The following WFS1 variants were observed in gnomAD, a reference collection of about 807,000 sequenced individuals.
The protein encoded by WFS1 is wolframin ER transmembrane glycoprotein.
WFS1 carries 90 observed loss-of-function variants against 68.5 expected under a neutral mutation model. That is an observed-to-expected ratio of 1.31 (90% CI 1.11 to 1.56). The LOEUF is 1.56. Ranked by LOEUF, WFS1 falls within the 40% of genes most tolerant of loss-of-function variation. The probability of loss-of-function intolerance (pLI) is 0.00; values close to 1 mark genes in which losing one functional copy is unlikely to be tolerated. For synonymous variants in WFS1, 860 were observed against 540.7 expected, an observed-to-expected ratio of 1.59 and a Z score of -8.19; for missense variants, 1,767 against 1,232.6, an observed-to-expected ratio of 1.43 and a Z score of -6.49.
At chr4:6,272,566 ACCT>A (rs1189807801) in intron 1 of WFS1, among the ~76,000 whole-genome samples, 1 of 152,162 alleles carries the variant, frequency 6.6e-6, no homozygotes, top group East Asian at 1.9e-4. Context: ...CAGGGCCAGG[ACCT>A]CCTGGGCCTG....
intron 2 of WFS1, among the ~76,000 whole-genome samples, chr4:6,282,581 A>G (rs552541399): frequency 4.6e-5 from 7 of 152,306 alleles, no homozygotes; most frequent in Non-Finnish European, 1.0e-4. Flanking sequence ...CATACATCCA[A>G]AAATTTTTAA....
chr4:6,302,073 C>T lies in WFS1; in HGVS notation c.2278C>T (p.Leu760=). The change falls in exon 8 of 8, where the codon CTG becomes TTG. Residue 760 remains leucine, a synonymous_variant. Transcript: ENST00000226760. The part of the protein sequence containing the change: ...AEEELCRLKL[L]AKHPCHIKKF... ...GGAGGAGCTCTGTCGCCTTAAGCTG[C>T]TGGCCAAGCACCCCTGCCACATCAA... is the stretch of plus-strand genomic sequence containing the variant. 6.2e-7 allele frequency: 1 copy of T among 1,612,884 alleles called. No homozygotes were observed. Among genetic ancestry groups the T allele is most frequent in the Non-Finnish European group, 8.5e-7 (1 of 1,180,014 alleles).
At position 6,302,277 on chromosome 4, in the gene WFS1, A is replaced by C; in HGVS notation, c.2482A>C (p.Ile828Leu). ...RQGSLIEFST[I>L]LEGRLGSKWP... ...GGGCAGCCTCATCGAGTTCAGCACCATCCTGGAGGGCCGCCTGGGCAGCAA... is the reference window on the plus strand; with the variant it reads ...GGGCAGCCTCATCGAGTTCAGCACCCTCCTGGAGGGCCGCCTGGGCAGCAA... Residue 828 changes from isoleucine (I) to leucine (L), a missense_variant, in exon 8 of 8, where the codon ATC becomes CTC. Physicochemically the swap from Ile to Leu is conservative, Grantham distance 5 (BLOSUM62 2). Coordinates refer to ENST00000226760, the MANE Select transcript of WFS1 (RefSeq NM_006005.3). The C allele has an allele frequency of 1.2e-6, 2 of 1,605,954 alleles. No individual in the cohort carries two copies. The highest frequency in any genetic ancestry group is 1.7e-6 in the Non-Finnish European group (2 of 1,174,712).
rs144010362 is a variant in WFS1 at position 6,301,986 on chromosome 4, A to C, written c.2191A>C (p.Met731Leu). The part of the protein sequence containing the change: ...NMLPFFIGDW[M>L]RCLYGEAYPA... ...GCTCCCGTTCTTCATCGGCGACTGGATGCGCTGCCTCTACGGCGAGGCCTA... is the reference window on the plus strand; with the variant it reads ...GCTCCCGTTCTTCATCGGCGACTGGCTGCGCTGCCTCTACGGCGAGGCCTA... Residue 731 changes from methionine to leucine, a missense_variant, in exon 8 of 8, where the codon ATG becomes CTG. Coordinates refer to ENST00000226760, the MANE Select transcript of WFS1 (RefSeq NM_006005.3). The C allele has an allele frequency of 6.2e-7, 1 of 1,612,734 alleles. No homozygotes were observed. The highest frequency in any genetic ancestry group is 1.3e-5 in the African/African-American group (1 of 75,052).
chr4:6,289,913 C>G (rs1163893212), intron 4 of WFS1, among the ~76,000 whole-genome samples: 1 of 152,090 alleles, frequency 6.6e-6, no homozygotes, highest in African/African-American at 2.4e-5. Context: ...AAGCAACTCC[C>G]CATATTTTGG....
chr4:6,275,554 C>G (rs551922654), intron 1 of WFS1, among the ~76,000 whole-genome samples: 5 of 87,510 alleles, frequency 5.7e-5, no homozygotes, highest in Middle Eastern at 0.014. Context: ...CCCGGGGGTG[C>G]TTGACCATGC....
intron 7 of WFS1, among the ~76,000 whole-genome samples, chr4:6,297,378 C>A (rs540834293): frequency 1.2e-4 from 19 of 152,318 alleles, no homozygotes; most frequent in African/African-American, 4.6e-4. Flanking sequence ...ACAGACACCT[C>A]TTTGTGAGCC....
intron 4 of WFS1, among the ~76,000 whole-genome samples, chr4:6,289,682 CGTT>C (rs1730409492): frequency 6.6e-6 from 1 of 152,168 alleles, no homozygotes; most frequent in Admixed American, 6.5e-5. Context: ...TGAGTTAGGA[CGTT>C]GTCCTGCGCA....
At chr4:6,296,050 C>T (rs1730630647) in intron 7 of WFS1, among the ~76,000 whole-genome samples, 1 of 152,236 alleles carries the variant, frequency 6.6e-6, no homozygotes, top group South Asian at 2.1e-4. Context: ...GTTCTGTCTT[C>T]TGAACTGACT....
intron 7 of WFS1, among the ~76,000 whole-genome samples, chr4:6,299,903 G>GTGTGTGTGTAGGGGTGGGT (rs1730807456): frequency 3.8e-4 from 4 of 10,428 alleles, no homozygotes; most frequent in East Asian, 0.011. Context: ...GGGGTGGGTT[G>GTGTGTGTGTAGGGGTGGGT]TGTGTGTGTG....
intron 1 of WFS1, among the ~76,000 whole-genome samples, chr4:6,276,907 A>G (rs1433135895): frequency 6.6e-6 from 1 of 152,194 alleles, no homozygotes; most frequent in East Asian, 1.9e-4. Context: ...CCGTCTCCGC[A>G]TGGCTCTGTT....
At position 6,294,671 on chromosome 4, in the gene WFS1, AGAG is replaced by A. The variant is rs562820164; in HGVS notation, c.713-365_713-363del. 2.1e-3 allele frequency: 697 copies of A among 337,996 alleles called. 9 individuals carry two copies. The highest frequency in any genetic ancestry group is 0.014 in the African/African-American group (647 of 46,902). 20.9% of individuals were successfully genotyped at this position (337,996 alleles called of 1,614,324 possible). On this transcript the variant is annotated intron_variant, in intron 6 of 7. Coordinates refer to ENST00000226760, the MANE Select transcript of WFS1 (RefSeq NM_006005.3). ...CTGTGAGAAGCCCCACGCTGGCTGAAGAGGAGGGTGTCAGCATGCACTGGAGGT... is the reference window on the plus strand; with the variant it reads ...CTGTGAGAAGCCCCACGCTGGCTGAAGAGGGTGTCAGCATGCACTGGAGGT...
chr4:6,287,293 G>A lies in WFS1; in HGVS notation c.315+118G>A. On this transcript the variant is annotated intron_variant, in intron 3 of 7. Coordinates refer to ENST00000226760, the MANE Select transcript of WFS1 (RefSeq NM_006005.3). This position sits in a 1 kb window ranked among gnomAD's most constrained non-coding sequence, Gnocchi z 6.4. ...TGCCTGAGATCGGGGTCAGGAGCCAGCGTGGTGCACCCTACCCCACTTGAG... is the reference window on the plus strand; with the variant it reads ...TGCCTGAGATCGGGGTCAGGAGCCAACGTGGTGCACCCTACCCCACTTGAG... 1 of 931,424 alleles carries A rather than the reference G, an allele frequency of 1.1e-6. No individual in the cohort carries two copies. The highest frequency in any genetic ancestry group is 1.7e-6 in the Non-Finnish European group (1 of 590,814). The allele number at this position is 931,424 out of a possible 1,614,324, so 57.7% of individuals were successfully genotyped here. A position where few individuals can be genotyped will look rare whatever the true frequency, so the allele number is the denominator to read the frequency against.
chr4:6,292,990 C>T lies in WFS1; in HGVS notation c.712+993C>T, dbSNP rs188335203. Among the ~76,000 whole-genome samples the T allele has an allele frequency of 2.2e-4, 34 of 152,336 alleles. No individual in the cohort carries two copies. In the East Asian group the frequency reaches 4.1e-3, roughly 18 times the overall value. ...ACATGGGTGCTTGCGCTGCTGTTTT[C>T]CTGCTCCATTTGGGGGAGACAAAGA... is the stretch of plus-strand genomic sequence containing the variant. On this transcript the variant is annotated intron_variant, in intron 6 of 7. Coordinates refer to ENST00000226760, the MANE Select transcript of WFS1 (RefSeq NM_006005.3).
intron 3 of WFS1, chr4:6,288,585 G>A (rs952301810): frequency 2.2e-5 from 7 of 321,570 alleles, no homozygotes; most frequent in Admixed American, 4.4e-5. Flanking sequence ...GCTAACCCTT[G>A]GTTAGCTGGC....
chr4:6,285,178 C>CAGGGAGAGTTACGTCT (rs1440752201), intron 2 of WFS1, among the ~76,000 whole-genome samples: 3 of 151,808 alleles, frequency 2.0e-5, no homozygotes, highest in Non-Finnish European at 4.4e-5. Flanking sequence ...GAGTTACATC[C>CAGGGAGAGTTACGTCT]AGGGAGAGTT....
At chr4:6,282,829 C>T (rs1466210123) in intron 2 of WFS1, among the ~76,000 whole-genome samples, 1 of 152,188 alleles carries the variant, frequency 6.6e-6, no homozygotes, top group Non-Finnish European at 1.5e-5. Flanking sequence ...CTTGGCAGTT[C>T]AGCTGCTCAG....
intron 1 of WFS1, among the ~76,000 whole-genome samples, chr4:6,270,482 T>C (rs1376495878): frequency 1.3e-5 from 2 of 151,278 alleles, no homozygotes; most frequent in Admixed American, 1.3e-4. Flanking sequence ...GGAAGGGGGG[T>C]TCAGTCCCCC....
rs373242466 is a variant in WFS1 at position 6,274,470 on chromosome 4, G to A, written c.-5-2981G>A. 5.9e-5 allele frequency among the ~76,000 whole-genome samples: 9 copies of A among 152,230 alleles called. 1 individual carries two copies. The highest frequency in any genetic ancestry group is 2.2e-4 in the African/African-American group (9 of 41,538). On this transcript the variant is annotated intron_variant, in intron 1 of 7. Coordinates refer to ENST00000226760, the MANE Select transcript of WFS1 (RefSeq NM_006005.3). ...CATATGGGGAAACAGACACAGTGAG[G>A]TCATGTGGCCACTAGTAAGGGTAAC...
Sources: gnomAD v4.1 joint callset for allele counts (sites outside exome capture counted in the v4.1 genomes callset) on GRCh38, gnomAD v4.1.1 for gene constraint, Gnocchi (gnomAD v3.1) non-coding constraint, MANE v1.5 for transcripts, NCBI Gene and HGNC (gene_info 2026-07-23, HGNC 2026-07-21) for gene names.